The following TMEM38A variants were observed in gnomAD, a reference collection of about 807,000 sequenced individuals.
The protein encoded by TMEM38A is transmembrane protein 38A, also known as trimeric intracellular cation channel type A.
A neutral mutation model predicts 28.6 loss-of-function variants in TMEM38A; 17 were observed. That is an observed-to-expected ratio of 0.60 (90% CI 0.41 to 0.89). The LOEUF is 0.89. Ranked by LOEUF, TMEM38A falls within the 40% of genes least tolerant of loss-of-function variation. TMEM38A has a pLI of 0.00. For synonymous variants in TMEM38A, 169 were observed against 166.1 expected (o/e 1.02, Z -0.14); for missense variants, 328 against 393.1 (o/e 0.83, Z 1.40).
At position 16,686,451 on chromosome 19, in the gene TMEM38A, C is replaced by T. The variant is rs749110664; in HGVS notation, c.672+46C>T. 2.0e-6 allele frequency: 3 copies of T among 1,484,298 alleles called. No individual in the cohort carries two copies. The East Asian group carries it at 6.9e-5, about 34-fold the overall frequency. 91.9% of individuals were successfully genotyped at this position (1,484,298 alleles called of 1,614,324 possible). ...AGCATTCTTGCCTTGACCAATGCCA[C>T]CCTGCCACCTCCAGGTTGGGAGTGG... On this transcript the variant is annotated intron_variant, in intron 5 of 5. Coordinates refer to ENST00000187762, the MANE Select transcript of TMEM38A (RefSeq NM_024074.4).
intron 1 of TMEM38A, among the ~76,000 whole-genome samples, chr19:16,664,562 C>G (rs906205723): frequency 1.3e-5 from 2 of 152,116 alleles, no homozygotes; most frequent in Non-Finnish European, 2.9e-5. Context: ...CAGGCCGATA[C>G]AAAGTATCAG....
At chr19:16,675,523 C>T (rs1317477098) in intron 1 of TMEM38A, among the ~76,000 whole-genome samples, 1 of 149,570 alleles carries the variant, frequency 6.7e-6, no homozygotes, top group Non-Finnish European at 1.5e-5. Flanking sequence ...TGTGAGTCAC[C>T]ACGCCTGGCC....
chr19:16,663,280 C>G (rs1306057012), intron 1 of TMEM38A, among the ~76,000 whole-genome samples: 1 of 142,202 alleles, frequency 7.0e-6, no homozygotes, highest in Non-Finnish European at 1.5e-5. Context: ...GACTCTGTCT[C>G]GAAAAAAAAA....
chr19:16,686,908 G>A (rs1343820795), intron 5 of TMEM38A, among the ~76,000 whole-genome samples: 2 of 152,136 alleles, frequency 1.3e-5, no homozygotes, highest in African/African-American at 2.4e-5. Context: ...TGCATTAGGC[G>A]AGAAGGGAGA....
chr19:16,687,512 C>A (rs1231286965), intron 5 of TMEM38A, among the ~76,000 whole-genome samples: 1 of 152,104 alleles, frequency 6.6e-6, no homozygotes, highest in Non-Finnish European at 1.5e-5. Context: ...CAGAGTGAGA[C>A]CCTGTCTCCA....
At position 16,671,201 on chromosome 19, in the gene TMEM38A, C is replaced by CTTTTTTTTTTTTTT. The variant is rs34550977; in HGVS notation, c.125-8774_125-8761dup. Among the ~76,000 whole-genome samples the CTTTTTTTTTTTTTT allele has an allele frequency of 7.1e-3, 603 of 84,822 alleles. 35 individuals are homozygous for CTTTTTTTTTTTTTT. The highest frequency in any genetic ancestry group is 0.017 in the East Asian group (45 of 2,606). The allele number at this position is 84,822 out of a possible 152,430, so 55.6% of individuals were successfully genotyped here. ...GTATGGAAAGGGGAAAGGACCTGGG[C>CTTTTTTTTTTTTTT]TTTTTTTTTTTTTTTTTTTTTTGAG... On this transcript the variant is annotated intron_variant, in intron 1 of 5. Transcript: ENST00000187762.
At chr19:16,671,201 C>CTTTTTTTGTTT (rs2086725916) in intron 1 of TMEM38A, among the ~76,000 whole-genome samples, 1 of 84,848 alleles carries the variant, frequency 1.2e-5, no homozygotes, top group African/African-American at 6.6e-5. Context: ...AGGACCTGGG[C>CTTTTTTTGTTT]TTTTTTTTTT....
In TMEM38A at chr19:16,680,524, G is replaced by T; in HGVS notation, c.409G>T (p.Ala137Ser). 1 of 1,614,108 alleles carries T rather than the reference G, an allele frequency of 6.2e-7. No homozygotes were observed. The highest frequency in any genetic ancestry group is 1.3e-5 in the African/African-American group (1 of 75,016). Residue 137 changes from alanine (A) to serine (S), a missense_variant, in exon 3 of 6, where the codon GCC (alanine) becomes TCC (serine). Ala to Ser is a moderately conservative substitution (Grantham distance 99). Coordinates refer to ENST00000187762, the MANE Select transcript of TMEM38A (RefSeq NM_024074.4). The part of the protein sequence containing the change: ...VRKIAVGIHH[A>S]HHHYHHGWFV... ...CAAGATCGCGGTGGGCATCCATCAC[G>T]CCCATCACCACTACCACCACGGGTG...
intron 1 of TMEM38A, among the ~76,000 whole-genome samples, chr19:16,665,369 G>A (rs2086698533): frequency 6.6e-6 from 1 of 151,928 alleles, no homozygotes; most frequent in Non-Finnish European, 1.5e-5. Context: ...TGTGCCTGTA[G>A]TCCTAGCTAC....
chr19:16,678,729 C>T (rs867643954), intron 1 of TMEM38A, among the ~76,000 whole-genome samples: 18 of 134,774 alleles, frequency 1.3e-4, no homozygotes, highest in African/African-American at 2.3e-4. Flanking sequence ...TGCACCACTG[C>T]GCTCCAGGCT....
At chr19:16,682,322 A>G (rs951655769) in intron 3 of TMEM38A, 99 bp from the exon 4 acceptor site, 2 of 926,176 alleles carry the variant, frequency 2.2e-6, no homozygotes, top group African/African-American at 3.3e-5. Flanking sequence ...CCTTCTAGAG[A>G]AGATTCTGGG....
intron 3 of TMEM38A, among the ~76,000 whole-genome samples, chr19:16,681,926 A>G (rs1474152310): frequency 6.6e-6 from 1 of 152,212 alleles, no homozygotes; most frequent in Non-Finnish European, 1.5e-5. Flanking sequence ...AGATTCTTCC[A>G]GAAATTTAAT....
At chr19:16,671,348 A>G (rs2086726834) in intron 1 of TMEM38A, among the ~76,000 whole-genome samples, 1 of 151,764 alleles carries the variant, frequency 6.6e-6, no homozygotes, top group African/African-American at 2.4e-5. Flanking sequence ...GATTATAGCC[A>G]TCCGCCACCA....
rs113335630 is a variant in TMEM38A at position 16,680,641 on chromosome 19, C to T, written c.466+60C>T. ...GTGGAGAACTTTTGGTTCAGTGGTACTACCAGGCACCCCAGCTAGGAAAGC... is the reference window on the plus strand; with the variant it reads ...GTGGAGAACTTTTGGTTCAGTGGTATTACCAGGCACCCCAGCTAGGAAAGC... On this transcript the variant is annotated intron_variant, in intron 3 of 5. Coordinates refer to ENST00000187762, the MANE Select transcript of TMEM38A (RefSeq NM_024074.4). 93 of 1,554,792 alleles carry T rather than the reference C, an allele frequency of 6.0e-5. 1 individual carries two copies. The highest frequency in any genetic ancestry group is 2.8e-4 in the African/African-American group (21 of 74,002).
intron 1 of TMEM38A, among the ~76,000 whole-genome samples, chr19:16,673,622 G>A (rs2086736924): frequency 6.6e-6 from 1 of 152,170 alleles, no homozygotes; most frequent in East Asian, 1.9e-4. Flanking sequence ...ACATGGTAAT[G>A]CCCACTGATG....
At chr19:16,671,304 C>G (rs538926583) in intron 1 of TMEM38A, among the ~76,000 whole-genome samples, 52 of 146,658 alleles carry the variant, frequency 3.5e-4, no homozygotes, top group African/African-American at 1.3e-3. Flanking sequence ...CTCCTGGGTT[C>G]AAGCAATTCT....
At chr19:16,688,063 C>G in intron 5 of TMEM38A, 81 bp from the exon 6 acceptor site, 2 of 1,031,132 alleles carry the variant, frequency 1.9e-6, no homozygotes, top group Non-Finnish European at 2.7e-6. Context: ...CCTCTTCTCC[C>G]CACCCTGCCC....
intron 1 of TMEM38A, among the ~76,000 whole-genome samples, chr19:16,672,693 A>G (rs2086733155): frequency 6.6e-6 from 1 of 151,774 alleles, no homozygotes; most frequent in Non-Finnish European, 1.5e-5. Flanking sequence ...CAAGTGATCC[A>G]CCTGCCTTGG....
chr19:16,666,179 C>T (rs2086702290), intron 1 of TMEM38A, among the ~76,000 whole-genome samples: 1 of 151,952 alleles, frequency 6.6e-6, no homozygotes. Context: ...CGGGGTTTCA[C>T]CACGTTGGCC....
Sources: gnomAD v4.1 joint callset for allele counts (sites outside exome capture counted in the v4.1 genomes callset) on GRCh38, gnomAD v4.1.1 for gene constraint, MANE v1.5 for transcripts, NCBI Gene and HGNC (gene_info 2026-07-23, HGNC 2026-07-21) for gene names.